The following PACS1 variants were observed in gnomAD, a reference collection of about 807,000 sequenced individuals.
PACS1 encodes the protein PACS-1.
In PACS1, 24 loss-of-function variants were observed where a neutral mutation model predicts 115.0. That is an observed-to-expected ratio of 0.21 (90% CI 0.15 to 0.29). The LOEUF is 0.29. Ranked by LOEUF, PACS1 falls within the 10% of genes least tolerant of loss-of-function variation. The probability of loss-of-function intolerance (pLI) is 1.00; values close to 1 mark genes in which losing one functional copy is unlikely to be tolerated. For synonymous variants in PACS1, 453 were observed against 504.5 expected, an observed-to-expected ratio of 0.90 and a Z score of 1.37; for missense variants, 838 against 1,251.2, an observed-to-expected ratio of 0.67 and a Z score of 4.98.
At chr11:66,189,074 T>TA (rs1206433371) in intron 1 of PACS1, among the ~76,000 whole-genome samples, 1 of 152,142 alleles carries the variant, frequency 6.6e-6, no homozygotes, top group Non-Finnish European at 1.5e-5. Flanking sequence ...CTCTTAGCAT[T>TA]ACTGTGAAAC....
chr11:66,115,196 G>A (rs1394380287), intron 1 of PACS1, among the ~76,000 whole-genome samples: 4 of 136,186 alleles, frequency 2.9e-5, no homozygotes, highest in African/African-American at 8.5e-5. Flanking sequence ...GTAATAGAGC[G>A]AGACCCTATC....
At chr11:66,096,441 C>T (rs1338235440) in intron 1 of PACS1, among the ~76,000 whole-genome samples, 2 of 151,574 alleles carry the variant, frequency 1.3e-5, no homozygotes, top group Non-Finnish European at 2.9e-5. Context: ...TATCCATTCT[C>T]CTGTTGATGG....
At chr11:66,129,280 C>A (rs1987678) in intron 1 of PACS1, among the ~76,000 whole-genome samples, 40,794 of 150,830 alleles carry the variant, frequency 0.27, 6,429 homozygotes, top group East Asian at 0.44. Context: ...GAAAATACAA[C>A]AATTAGCCAG....
At chr11:66,222,475 G>A (rs950666799) in intron 10 of PACS1, among the ~76,000 whole-genome samples, 1 of 152,134 alleles carries the variant, frequency 6.6e-6, no homozygotes, top group African/African-American at 2.4e-5. Context: ...AGGGGTGGGT[G>A]TGAGCCTGAA....
intron 1 of PACS1, among the ~76,000 whole-genome samples, chr11:66,184,031 G>A (rs1014742774): frequency 2.0e-5 from 3 of 152,002 alleles, no homozygotes; most frequent in Admixed American, 6.6e-5. Context: ...CCTACCTCAC[G>A]ACCATCATTT....
At chr11:66,218,499 G>A (rs1287198160) in intron 7 of PACS1, 1 of 152,164 alleles carries the variant, frequency 6.6e-6, no homozygotes, top group Non-Finnish European at 1.5e-5. Flanking sequence ...GCTGAGAGAT[G>A]GGTTTTTTAA....
At chr11:66,092,163 C>G (rs1164981010) in intron 1 of PACS1, among the ~76,000 whole-genome samples, 1 of 152,096 alleles carries the variant, frequency 6.6e-6, no homozygotes, top group Non-Finnish European at 1.5e-5. Context: ...TCCTATTTCT[C>G]CACATCCTCT....
At chr11:66,204,231 G>C (rs549700879) in intron 2 of PACS1, among the ~76,000 whole-genome samples, 1 of 152,268 alleles carries the variant, frequency 6.6e-6, no homozygotes, top group East Asian at 1.9e-4. Flanking sequence ...ATGGGCAAAC[G>C]ATCTGAATAG....
chr11:66,081,050 G>A (rs1017795608), intron 1 of PACS1, among the ~76,000 whole-genome samples: 2 of 151,948 alleles, frequency 1.3e-5, no homozygotes, highest in Admixed American at 6.6e-5. Context: ...GCAACATAGG[G>A]AGACCCCGTC....
At chr11:66,167,406 G>A (rs1370894484) in intron 1 of PACS1, among the ~76,000 whole-genome samples, 1 of 132,912 alleles carries the variant, frequency 7.5e-6, no homozygotes, top group East Asian at 2.1e-4. Context: ...ATAGCTCACT[G>A]CAACCTCGAA....
chr11:66,179,136 A>G (rs190598015), intron 1 of PACS1, among the ~76,000 whole-genome samples: 15 of 152,188 alleles, frequency 9.9e-5, no homozygotes, highest in African/African-American at 3.4e-4. Context: ...TAAAAATGAA[A>G]TACTGTCTCC....
chr11:66,114,640 T>C (rs569954123), intron 1 of PACS1, among the ~76,000 whole-genome samples: 1 of 152,288 alleles, frequency 6.6e-6, no homozygotes, highest in Admixed American at 6.5e-5. Context: ...TCATTTCTTA[T>C]TTAGTTATAT....
chr11:66,200,054 A>C (rs913435911), intron 2 of PACS1, among the ~76,000 whole-genome samples: 3 of 151,006 alleles, frequency 2.0e-5, no homozygotes, highest in African/African-American at 7.3e-5. Flanking sequence ...AAAACAAAAA[A>C]AAAAACAAGA....
intron 1 of PACS1, among the ~76,000 whole-genome samples, chr11:66,123,441 C>G (rs975370004): frequency 5.9e-5 from 9 of 152,174 alleles, no homozygotes; most frequent in Non-Finnish European, 1.2e-4. Flanking sequence ...ATCCACCTGC[C>G]TCGGCCTCCC....
At position 66,235,582 on chromosome 11, in the gene PACS1, C is replaced by A; in HGVS notation, c.2207+179C>A. On this transcript the variant is annotated intron_variant, in intron 18 of 23. Transcript: ENST00000320580. This position sits in a 1 kb window ranked among gnomAD's most constrained non-coding sequence, Gnocchi z 5.6. The stretch of plus-strand genomic sequence containing the variant: ...AGCACTCCTTCCTTGCCCAAGGCCT[C>A]CCACCCATAGGAGCCTGAGTTCATC... 1.6e-6 allele frequency: 1 copy of A among 608,586 alleles called. No individual in the cohort carries two copies. 37.7% of individuals were successfully genotyped at this position (608,586 alleles called of 1,614,324 possible). A position where few individuals can be genotyped will look rare whatever the true frequency, so the allele number is the denominator to read the frequency against.
In PACS1 at chr11:66,210,041, T is replaced by A. The variant is rs528925602; in HGVS notation, c.445-321T>A. Among the ~76,000 whole-genome samples the A allele has an allele frequency of 3.3e-5, 5 of 151,814 alleles. No homozygotes were observed. In the South Asian group the frequency reaches 1.0e-3, roughly 32 times the overall value. On this transcript the variant is annotated intron_variant, in intron 2 of 23. Coordinates refer to ENST00000320580, the MANE Select transcript of PACS1 (RefSeq NM_018026.4). Reference sequence around the variant, plus strand: ...ATTTTTTTTTTCTTTTTATTATTGATATTATTTGAGACAGGGTCTCTCTCT... The same window carrying A: ...ATTTTTTTTTTCTTTTTATTATTGAAATTATTTGAGACAGGGTCTCTCTCT...
In PACS1 at chr11:66,243,459, G is replaced by GC. The variant is rs1455150961; in HGVS notation, c.*182dup. On this transcript the variant is annotated 3_prime_UTR_variant, in exon 24 of 24. Coordinates refer to ENST00000320580, the MANE Select transcript of PACS1 (RefSeq NM_018026.4). ...GACGCCTTCCCTCCCCTCCCCTCCA[G>GC]CCCACCCCTGCACAGCCCCTCCTCC... The GC allele has an allele frequency of 1.7e-6, 1 of 581,632 alleles. No homozygotes were observed. Among genetic ancestry groups the GC allele is most frequent in the African/African-American group, 2.0e-5 (1 of 48,826 alleles). The allele number at this position is 581,632 out of a possible 1,614,324, so 36.0% of individuals were successfully genotyped here.
chr11:66,206,953 C>A (rs984452720), intron 2 of PACS1, among the ~76,000 whole-genome samples: 1 of 152,168 alleles, frequency 6.6e-6, no homozygotes, highest in Non-Finnish European at 1.5e-5. Flanking sequence ...AAATCTCAAA[C>A]GTGCAAAAGT....
intron 2 of PACS1, among the ~76,000 whole-genome samples, chr11:66,196,578 C>G (rs1667675844): frequency 6.6e-6 from 1 of 152,258 alleles, no homozygotes; most frequent in Non-Finnish European, 1.5e-5. Context: ...GGGAAAACAA[C>G]TTAATATTGG....
Sources: allele counts gnomAD v4.1 joint callset (sites outside exome capture counted in the v4.1 genomes callset), GRCh38; gene constraint gnomAD v4.1.1; non-coding constraint Gnocchi (gnomAD v3.1); transcripts MANE v1.5; gene names NCBI Gene and HGNC (gene_info 2026-07-23, HGNC 2026-07-21).